Variants in CNTNAP5 observed in about 807,000 individuals in gnomAD.
CNTNAP5 encodes the protein contactin-associated protein-like 5.
In CNTNAP5, 72 loss-of-function variants were observed where a neutral mutation model predicts 150.2. The observed-to-expected ratio is 0.48, with a 90% CI of 0.40 to 0.58. The LOEUF (loss-of-function observed/expected upper bound fraction) is 0.58. Ranked by LOEUF, CNTNAP5 falls within the 20% of genes least tolerant of loss-of-function variation. The probability of loss-of-function intolerance (pLI) is 0.00; values close to 1 mark genes in which losing one functional copy is unlikely to be tolerated. For synonymous variants in CNTNAP5, 672 were observed against 619.8 expected (o/e 1.08, Z -1.25); for missense variants, 1,636 against 1,626.2 (o/e 1.01, Z -0.10).
At chr2:124,703,144 T>C (rs1160322423) in intron 13 of CNTNAP5, among the ~76,000 whole-genome samples, 2 of 117,666 alleles carry the variant, frequency 1.7e-5, no homozygotes, top group African/African-American at 6.0e-5. Context: ...CCTCCCTCCC[T>C]TCTTTCCTCC....
At chr2:124,801,325 A>G (rs190965370) in intron 19 of CNTNAP5, among the ~76,000 whole-genome samples, 13 of 152,308 alleles carry the variant, frequency 8.5e-5, no homozygotes, top group African/African-American at 2.4e-4. Flanking sequence ...TTGAAAGGCA[A>G]TCTAGATAGA....
intron 13 of CNTNAP5, among the ~76,000 whole-genome samples, chr2:124,657,227 CAT>C (rs1168394946): frequency 5.3e-5 from 8 of 152,178 alleles, no homozygotes; most frequent in Non-Finnish European, 1.2e-4. Context: ...TAACTTATGG[CAT>C]TTACCTACTC....
intron 3 of CNTNAP5, among the ~76,000 whole-genome samples, chr2:124,275,030 A>G (rs1453519632): frequency 6.6e-6 from 1 of 152,140 alleles, no homozygotes; most frequent in Non-Finnish European, 1.5e-5. Flanking sequence ...AGCAAGTCAC[A>G]TTTTACATGG....
chr2:124,777,837 T>C (rs1681360238), intron 17 of CNTNAP5, among the ~76,000 whole-genome samples: 1 of 149,318 alleles, frequency 6.7e-6, no homozygotes, highest in Admixed American at 6.7e-5. Flanking sequence ...GGATTCATAC[T>C]GTCTTTTTTA....
intron 10 of CNTNAP5, among the ~76,000 whole-genome samples, chr2:124,527,858 G>A (rs575192836): frequency 7.2e-5 from 11 of 152,224 alleles, no homozygotes; most frequent in Admixed American, 7.2e-4. Context: ...GACCATCTGG[G>A]AAGTCTGCAG....
In CNTNAP5 at chr2:124,246,178, T is replaced by C. The variant is rs371665977; in HGVS notation, c.381+3785T>C. Reference sequence around the variant, plus strand: ...CACATCCTGAGGATGGGACAATCCATTCACCAGTACTGAAGAGATTTATTA... The same window carrying C: ...CACATCCTGAGGATGGGACAATCCACTCACCAGTACTGAAGAGATTTATTA... On this transcript the variant is annotated intron_variant, in intron 3 of 23. Transcript: ENST00000682447. Among the ~76,000 whole-genome samples, 48 of 151,316 alleles carry C rather than the reference T, an allele frequency of 3.2e-4. No individual in the cohort carries two copies. In the South Asian group the frequency reaches 8.9e-3, roughly 28 times the overall value.
chr2:124,611,020 C>T (rs1020391938), intron 12 of CNTNAP5, among the ~76,000 whole-genome samples: 1 of 126,052 alleles, frequency 7.9e-6, no homozygotes, highest in Non-Finnish European at 1.9e-5. Flanking sequence ...TTGGCACACG[C>T]ACATTTTTTG....
intron 1 of CNTNAP5, among the ~76,000 whole-genome samples, chr2:124,096,864 G>A (rs745976497): frequency 4.6e-5 from 7 of 151,562 alleles, no homozygotes; most frequent in Non-Finnish European, 7.4e-5. Context: ...CCACCATGCC[G>A]GGCTAATTTT....
chr2:124,224,198 G>T (rs1332033113), intron 2 of CNTNAP5, among the ~76,000 whole-genome samples: 1 of 152,098 alleles, frequency 6.6e-6, no homozygotes, highest in Non-Finnish European at 1.5e-5. Context: ...GTTGCAAATT[G>T]CTACATTGGA....
At chr2:124,334,373 C>A (rs185158815) in intron 3 of CNTNAP5, among the ~76,000 whole-genome samples, 52 of 152,204 alleles carry the variant, frequency 3.4e-4, no homozygotes, top group Admixed American at 2.8e-3. Context: ...ATAGAAGAGT[C>A]AGCTTGGGAG....
chr2:124,339,034 G>A (rs1689543525), intron 3 of CNTNAP5, among the ~76,000 whole-genome samples: 1 of 151,998 alleles, frequency 6.6e-6, no homozygotes, highest in South Asian at 2.1e-4. Context: ...AAGTTAGATG[G>A]GCTTAGAGAG....
intron 3 of CNTNAP5, among the ~76,000 whole-genome samples, chr2:124,307,558 G>A (rs1688723285): frequency 6.6e-6 from 1 of 152,134 alleles, no homozygotes; most frequent in Admixed American, 6.5e-5. Flanking sequence ...CCTGAAATCT[G>A]TGAACTCAAG....
At chr2:124,154,644 G>C (rs558568660) in intron 1 of CNTNAP5, among the ~76,000 whole-genome samples, 1 of 152,278 alleles carries the variant, frequency 6.6e-6, no homozygotes, top group South Asian at 2.1e-4. Context: ...GAGAAGTCCA[G>C]TGTGCTGAAG....
intron 11 of CNTNAP5, among the ~76,000 whole-genome samples, chr2:124,565,372 C>T (rs1695995118): frequency 6.6e-6 from 1 of 151,980 alleles, no homozygotes; most frequent in Non-Finnish European, 1.5e-5. Context: ...AGGATAAATG[C>T]TTGAGGGGAT....
intron 10 of CNTNAP5, among the ~76,000 whole-genome samples, chr2:124,545,671 A>G (rs556363014): frequency 6.6e-6 from 1 of 152,230 alleles, no homozygotes; most frequent in African/African-American, 2.4e-5. Flanking sequence ...TGGAAAACCC[A>G]GTTGGCTTTG....
chr2:124,712,745 C>T (rs1435658578), intron 13 of CNTNAP5, among the ~76,000 whole-genome samples: 3 of 146,728 alleles, frequency 2.0e-5, no homozygotes, highest in Non-Finnish European at 4.5e-5. Context: ...CACTCTCAGC[C>T]TTTTTTTTTT....
intron 13 of CNTNAP5, among the ~76,000 whole-genome samples, chr2:124,666,697 C>T (rs1315641904): frequency 6.6e-6 from 1 of 152,134 alleles, no homozygotes; most frequent in Non-Finnish European, 1.5e-5. Flanking sequence ...GCACTGTTGA[C>T]ATATTTTTCC....
At position 124,198,405 on chromosome 2, in the gene CNTNAP5, G is replaced by GT. The variant is rs538354456; in HGVS notation, c.83-23291dup. Among the ~76,000 whole-genome samples, 630 of 151,280 alleles carry GT rather than the reference G, an allele frequency of 4.2e-3. 1 individual carries two copies. The highest frequency in any genetic ancestry group is 6.5e-3 in the Non-Finnish European group (444 of 67,826). On this transcript the variant is annotated intron_variant, in intron 1 of 23. Transcript: ENST00000682447. ...ATATTACAATATACAGAAGCGCTTA[G>GT]TTTTTTTTTCTTTTCCGACTTTGAT...
chr2:124,295,708 T>G (rs977350115), intron 3 of CNTNAP5, among the ~76,000 whole-genome samples: 8 of 89,632 alleles, frequency 8.9e-5, no homozygotes, highest in African/African-American at 3.5e-4. Context: ...GACCTGCTGT[T>G]TGCCTATTTT....
Sources: gnomAD v4.1 joint callset for allele counts (sites outside exome capture counted in the v4.1 genomes callset) on GRCh38, gnomAD v4.1.1 for gene constraint, MANE v1.5 for transcripts, NCBI Gene and HGNC (gene_info 2026-07-23, HGNC 2026-07-21) for gene names.